Variants in ABCC10 observed in about 807,000 individuals in gnomAD.
The protein encoded by ABCC10 is ATP-binding cassette sub-family C member 10.
In ABCC10, 110 loss-of-function variants were observed where a neutral mutation model predicts 143.2. That is an observed-to-expected ratio of 0.77 (90% CI 0.66 to 0.90). The LOEUF (loss-of-function observed/expected upper bound fraction) is 0.90, where lower values mean the gene tolerates loss of function less well. Among genes scored for constraint, ABCC10 ranks in the 40% least tolerant of loss-of-function variants. The pLI, the probability that ABCC10 is intolerant of heterozygous loss-of-function variation, is 0.00. For missense variants in ABCC10, 1,700 were observed against 1,900.5 expected (o/e 0.89, Z 1.96); for synonymous variants, 805 against 846.7 (o/e 0.95, Z 0.85).
At chr6:43,448,162 T>C (rs1783328903) in intron 18 of ABCC10, 2 of 715,516 alleles carry the variant, frequency 2.8e-6, no homozygotes, top group African/African-American at 1.7e-5. Flanking sequence ...CCAGGCCACC[T>C]TTCCAGCTTC....
At position 43,427,701 on chromosome 6, in the gene ABCC10, T is replaced by G; in HGVS notation, c.-68T>G. 1 of 541,026 alleles carries G rather than the reference T, an allele frequency of 1.8e-6. No homozygotes were observed. The highest frequency in any genetic ancestry group is 3.4e-6 in the Non-Finnish European group (1 of 298,390). The allele number at this position is 541,026 out of a possible 1,614,324, so 33.5% of individuals were successfully genotyped here. On this transcript the variant is annotated 5_prime_UTR_variant, in exon 1 of 22. Coordinates refer to ENST00000372530, the MANE Select transcript of ABCC10 (RefSeq NM_001198934.2). ...TCCGGTGCACAGCAGCTTCTTCAGG[T>G]TTGAGGTTCCGGATGCCTGGGGGCG... is the stretch of plus-strand genomic sequence containing the variant.
chr6:43,445,739 G>A lies in ABCC10; in HGVS notation c.3171G>A (p.Leu1057=), dbSNP rs1482778163. 6.2e-7 allele frequency: 1 copy of A among 1,614,030 alleles called. No homozygotes were observed. The highest frequency in any genetic ancestry group is 1.3e-5 in the African/African-American group (1 of 74,944). The change falls in exon 15 of 22, where the codon CTG becomes CTA. Residue 1057 remains leucine, a synonymous_variant. Coordinates refer to ENST00000372530, the MANE Select transcript of ABCC10 (RefSeq NM_001198934.2). ...ACGCGGCAGGCCTGCTGGGGCTCCT[G>A]GCCGTGCTGGGCTCTGGCCTGCCCT... is the stretch of plus-strand genomic sequence containing the variant. The part of the protein sequence containing the change: ...LANAAGLLGL[L]AVLGSGLPWL...
intron 8 of ABCC10, among the ~76,000 whole-genome samples, chr6:43,439,957 T>C (rs1234426714): frequency 6.6e-6 from 1 of 151,780 alleles, no homozygotes; most frequent in Admixed American, 6.6e-5. Flanking sequence ...TTATAGGTTT[T>C]TACTTTTTCG....
At chr6:43,444,663 G>GAGGCC (rs1782835328) in intron 12 of ABCC10, 125 bp from the exon 13 acceptor site, 4 of 1,376,220 alleles carry the variant, frequency 2.9e-6, no homozygotes, top group Non-Finnish European at 3.9e-6. Context: ...GCAGGGTGGG[G>GAGGCC]AGGCCAGGCC....
At chr6:43,440,320 T>C (rs1394403656) in intron 8 of ABCC10, among the ~76,000 whole-genome samples, 1 of 152,166 alleles carries the variant, frequency 6.6e-6, no homozygotes, top group Non-Finnish European at 1.5e-5. Context: ...GCCTCAGGAA[T>C]GGGCTACTAA....
Position 43,445,887 on chromosome 6 carries a change from C to G in ABCC10, c.3319C>G (p.Leu1107Val), listed in dbSNP as rs1783010491. The G allele has an allele frequency of 1.2e-6, 2 of 1,613,756 alleles. No homozygotes were observed. Among genetic ancestry groups the G allele is most frequent in the East Asian group, 2.2e-5 (1 of 44,884 alleles). The change falls in exon 15 of 22, where the codon CTG becomes GTG. Residue 1107 changes from leucine to valine, a missense_variant. Coordinates refer to ENST00000372530, the MANE Select transcript of ABCC10 (RefSeq NM_001198934.2). ...CACCCTGTCTCCACTGTATAGCCATCTGGCCGATACCTTGGCTGGCCTCTC... is the reference window on the plus strand; with the variant it reads ...CACCCTGTCTCCACTGTATAGCCATGTGGCCGATACCTTGGCTGGCCTCTC... ...SLTLSPLYSH[L>V]ADTLAGLSVL...
At chr6:43,448,188 C>T (rs540586263) in intron 18 of ABCC10, 140 of 643,088 alleles carry the variant, frequency 2.2e-4, no homozygotes, top group South Asian at 1.3e-3. Flanking sequence ...TCTTGTACTT[C>T]CTACCATACA....
intron 16 of ABCC10, 51 bp from the exon 17 acceptor site, chr6:43,447,197 A>G (rs1783186317): frequency 6.3e-7 from 1 of 1,586,342 alleles, no homozygotes; most frequent in African/African-American, 1.3e-5. Flanking sequence ...AGTCTCCCAC[A>G]AACGTCCCGG....
At chr6:43,450,689 C>T, downstream of ABCC10, 27 of 1,613,968 alleles carry the variant, frequency 1.7e-5, no homozygotes, top group Non-Finnish European at 2.2e-5. The surrounding 1 kb of genome is among the most constrained non-coding windows in gnomAD (Gnocchi z 4.5). Context: ...GGCAGACACC[C>T]CGGCGCCAGG....
Position 43,446,325 on chromosome 6 carries a change from G to T in ABCC10, c.3423G>T (p.Gln1141His), listed in dbSNP as rs1422899369. Residue 1141 changes from glutamine (Q) to histidine (H), a missense_variant, in exon 16 of 22, where the codon CAG becomes CAT. Transcript: ENST00000372530. The stretch of plus-strand genomic sequence containing the variant: ...TCCTTGAGCTAAACCAGAGGTGCCA[G>T]TTTGCCACCAGTGCCACAATGCAGT... ...LRLLELNQRC[Q>H]FATSATMQWL... 1 of 1,613,992 alleles carries T rather than the reference G, an allele frequency of 6.2e-7. No homozygotes were observed. The highest frequency in any genetic ancestry group is 8.5e-7 in the Non-Finnish European group (1 of 1,179,940).
Position 43,446,465 on chromosome 6 carries a change from C to A in ABCC10, c.3544+19C>A. ...AACCCAGGTGCCACCCAGGACCCCT[C>A]ACCCCTACCTCATCCACAAGTTAGT... On this transcript the variant is annotated intron_variant, in intron 16 of 21. Transcript: ENST00000372530. 1.9e-6 allele frequency: 3 copies of A among 1,603,788 alleles called. No individual in the cohort carries two copies. The highest frequency in any genetic ancestry group is 2.6e-6 in the Non-Finnish European group (3 of 1,175,324).
At chr6:43,431,666 T>C in intron 2 of ABCC10, 1 of 434,862 alleles carries the variant, frequency 2.3e-6, no homozygotes, top group Non-Finnish European at 3.1e-6. Context: ...CCAGCCTGGA[T>C]TTTTTTTAAA....
At chr6:43,441,807 G>A in intron 8 of ABCC10, 55 bp from the exon 9 acceptor site, 1 of 1,453,278 alleles carries the variant, frequency 6.9e-7, no homozygotes, top group Non-Finnish European at 9.6e-7. Context: ...GGGATAGGAA[G>A]TGGGCCAGAA....
intron 18 of ABCC10, 98 bp downstream of exon 18, chr6:43,448,035 G>A: frequency 6.5e-7 from 1 of 1,548,462 alleles, no homozygotes; most frequent in Non-Finnish European, 8.7e-7. Context: ...ACTCACAGCA[G>A]CCAGGGCTGA....
chr6:43,447,183 G>A, intron 16 of ABCC10, 65 bp from the exon 17 acceptor site: 4 of 1,557,734 alleles, frequency 2.6e-6, no homozygotes, highest in Non-Finnish European at 3.5e-6. Context: ...TCCACAGCCT[G>A]GGGAGTCTCC....
chr6:43,451,469 GT>G (rs1783730162), downstream of ABCC10, among the ~76,000 whole-genome samples: 1 of 152,232 alleles, frequency 6.6e-6, no homozygotes, highest in Non-Finnish European at 1.5e-5. The surrounding 1 kb of genome is among the most constrained non-coding windows in gnomAD (Gnocchi z 4.4). Flanking sequence ...AATAATCAAT[GT>G]CAAGCCATTA....
rs1782655917 is a variant in ABCC10, at chr6:43,443,090, C to G, written c.2347C>G (p.His783Asp). 6.2e-7 allele frequency: 1 copy of G among 1,612,144 alleles called. No homozygotes were observed. The highest frequency in any genetic ancestry group is 1.3e-5 in the African/African-American group (1 of 74,940). ...LSYTTRLLCT[H>D]RTEYLERADA... is the part of the protein sequence containing the mutation. ...CTACACCACACGGCTGCTCTGCACC[C>G]ACCGCACTGAGTACCTGGAGAGGGC... is the stretch of plus-strand genomic sequence containing the variant. The change falls in exon 10 of 22, where the codon CAC becomes GAC. Residue 783 changes from histidine to aspartate, a missense_variant. Transcript: ENST00000372530. The surrounding 1 kb of genome is among the most constrained non-coding windows in gnomAD (Gnocchi z 4.2).
Position 43,432,728 on chromosome 6 carries a change from C to G in ABCC10, c.748C>G (p.Leu250Val), listed in dbSNP as rs772389708. 1 of 1,614,164 alleles carries G rather than the reference C, an allele frequency of 6.2e-7. No individual in the cohort carries two copies. Among genetic ancestry groups the G allele is most frequent in the East Asian group, 2.2e-5 (1 of 44,892 alleles). ...ELRQPQDICR[L>V]PHRLQPTYLA... is the part of the protein sequence containing the mutation. ...CCGGCAGCCTCAGGACATTTGCCGC[C>G]TCCCCCACAGACTGCAGCCAACCTA... The change falls in exon 3 of 22, where the codon CTC becomes GTC. Residue 250 changes from leucine to valine, a missense_variant. Coordinates refer to ENST00000372530, the MANE Select transcript of ABCC10 (RefSeq NM_001198934.2).
chr6:43,432,913 C>A lies in ABCC10; in HGVS notation c.933C>A (p.Gly311=), dbSNP rs771028569. The A allele has an allele frequency of 3.7e-6, 6 of 1,614,036 alleles. No homozygotes were observed. The highest frequency in any genetic ancestry group is 3.3e-5 in the South Asian group (3 of 91,094). ...SGPLLLSLLV[G]FLEEGQEPLS... ...CCCTGTTGCTCTCCCTACTGGTGGG[C>A]TTCCTGGAAGAGGGGCAGGAGCCAC... The change falls in exon 3 of 22, where the codon GGC becomes GGA. Residue 311 remains glycine (G), a synonymous_variant. Coordinates refer to ENST00000372530, the MANE Select transcript of ABCC10 (RefSeq NM_001198934.2).
Sources: allele counts gnomAD v4.1 joint callset (sites outside exome capture counted in the v4.1 genomes callset), GRCh38; gene constraint gnomAD v4.1.1; non-coding constraint Gnocchi (gnomAD v3.1); transcripts MANE v1.5; gene names NCBI Gene and HGNC (gene_info 2026-07-23, HGNC 2026-07-21).